The following VSTM2B variants were observed in gnomAD, a reference collection of about 807,000 sequenced individuals.
VSTM2B encodes the protein V-set and transmembrane domain containing 2B, also known as V-set and transmembrane domain-containing protein 2B.
A neutral mutation model predicts 24.0 loss-of-function variants in VSTM2B; 24 were observed. That is an observed-to-expected ratio of 1.00 (90% CI 0.72 to 1.40). The LOEUF (loss-of-function observed/expected upper bound fraction) is 1.40. Ranked by LOEUF, VSTM2B falls within the 40% of genes most tolerant of loss-of-function variation. The pLI, the probability that VSTM2B is intolerant of heterozygous loss-of-function variation, is 0.00. For missense variants in VSTM2B, 399 were observed against 416.4 expected (o/e 0.96, Z 0.36); for synonymous variants, 226 against 194.4 (o/e 1.16, Z -1.35).
chr19:29,549,606 G>T (rs998078969), intron 4 of VSTM2B, among the ~76,000 whole-genome samples: 1 of 151,816 alleles, frequency 6.6e-6, no homozygotes, highest in Non-Finnish European at 1.5e-5. Flanking sequence ...CCTGATGCTG[G>T]CCCCAATGCT....
At position 29,535,419 on chromosome 19, in the gene VSTM2B, T is replaced by TA. The variant is rs1416719040; in HGVS notation, c.769+5131dup. 7.2e-5 allele frequency among the ~76,000 whole-genome samples: 11 copies of TA among 152,324 alleles called. No individual in the cohort carries two copies. In the East Asian group the frequency reaches 2.1e-3, roughly 29 times the overall value. The stretch of plus-strand genomic sequence containing the variant: ...ATCAGAGCAGTGGCGTGTGAACCTC[T>TA]AATTAGCCTCAGGGCTCTGGCTCCA... On this transcript the variant is annotated intron_variant, in intron 4 of 4. Transcript: ENST00000335523.
chr19:29,543,805 CTCCTCTCTTTCAAAATATGGACAGG>C (rs1339782095), intron 4 of VSTM2B, among the ~76,000 whole-genome samples: 2 of 152,168 alleles, frequency 1.3e-5, no homozygotes, highest in African/African-American at 4.8e-5. Context: ...GAGGGGCAGG[CTCCTCTCTTTCAAAATATGGACAGG>C]TCCCCCAGCT....
rs1970177411 is a variant in VSTM2B, at chr19:29,547,283, C to T, written c.770-16563C>T. Among the ~76,000 whole-genome samples the T allele has an allele frequency of 2.6e-5, 4 of 152,166 alleles. No individual in the cohort carries two copies. In the South Asian group the frequency reaches 8.3e-4, roughly 32 times the overall value. ...GTGTCCTGTTTTTTATCTGGCAACC[C>T]CAGGCCTGGGGCAAATCACTTCATC... On this transcript the variant is annotated intron_variant, in intron 4 of 4. Coordinates refer to ENST00000335523, the MANE Select transcript of VSTM2B (RefSeq NM_001146339.2).
chr19:29,526,828 G>A lies in VSTM2B; in HGVS notation c.82+163G>A, dbSNP rs567037963. On this transcript the variant is annotated intron_variant, in intron 1 of 4. Transcript: ENST00000335523. This position sits in a 1 kb window ranked among gnomAD's most constrained non-coding sequence, Gnocchi z 4.1. The stretch of plus-strand genomic sequence containing the variant: ...GGGTAGGGAGAGGCGAGCGGCGAAG[G>A]GTCGCCGCAGCAGCAGCGCCGCGCC... The A allele has an allele frequency of 3.1e-4, 187 of 608,130 alleles. 2 individuals are homozygous for A. The South Asian group carries it at 4.8e-3, about 15-fold the overall frequency. The allele number at this position is 608,130 out of a possible 1,614,324, so 37.7% of individuals were successfully genotyped here. A position where few individuals can be genotyped will look rare whatever the true frequency, so the allele number is the denominator to read the frequency against.
chr19:29,559,007 G>C (rs144416640), intron 4 of VSTM2B, among the ~76,000 whole-genome samples: 1 of 152,354 alleles, frequency 6.6e-6, no homozygotes, highest in African/African-American at 2.4e-5. Context: ...CTTTTACACT[G>C]TTGGTGGGAG....
chr19:29,533,921 T>G (rs1378999968), intron 4 of VSTM2B, among the ~76,000 whole-genome samples: 1 of 152,184 alleles, frequency 6.6e-6, no homozygotes, highest in East Asian at 1.9e-4. Flanking sequence ...CCTTGGGCCT[T>G]GCCTCCCAGC....
At chr19:29,551,891 C>T (rs555971028) in intron 4 of VSTM2B, among the ~76,000 whole-genome samples, 2 of 152,304 alleles carry the variant, frequency 1.3e-5, no homozygotes, top group Non-Finnish European at 2.9e-5. Flanking sequence ...GTCTCCACGC[C>T]ATGTAAAAAA....
At chr19:29,536,667 G>A (rs938859107) in intron 4 of VSTM2B, among the ~76,000 whole-genome samples, 2 of 152,098 alleles carry the variant, frequency 1.3e-5, no homozygotes, top group African/African-American at 2.4e-5. Flanking sequence ...AAGACAGAGC[G>A]CTCTCTCTGT....
intron 4 of VSTM2B, among the ~76,000 whole-genome samples, chr19:29,555,395 CA>C (rs754509734): frequency 3.0e-4 from 45 of 152,234 alleles, no homozygotes; most frequent in Middle Eastern, 3.4e-3. Context: ...TTCTGGGACA[CA>C]ACTGAAGCAG....
At chr19:29,547,724 T>G (rs1970185409) in intron 4 of VSTM2B, among the ~76,000 whole-genome samples, 1 of 152,020 alleles carries the variant, frequency 6.6e-6, no homozygotes, top group Non-Finnish European at 1.5e-5. Context: ...GCACAGACAT[T>G]TGTGCCAAGC....
chr19:29,546,584 G>C lies in VSTM2B; in HGVS notation c.769+16294G>C, dbSNP rs115388392. Among the ~76,000 whole-genome samples, 1,362 of 152,328 alleles carry C rather than the reference G, an allele frequency of 8.9e-3. 16 individuals are homozygous for C. Among genetic ancestry groups the C allele is most frequent in the African/African-American group, 0.03 (1,248 of 41,572 alleles). ...CTTTTTACAGCCCACAGGCTCAAAG[G>C]TTAGCAATCCAGATGGGGCAGGGGC... On this transcript the variant is annotated intron_variant, in intron 4 of 4. Transcript: ENST00000335523.
intron 4 of VSTM2B, among the ~76,000 whole-genome samples, chr19:29,536,768 A>C (rs1423167978): frequency 6.6e-6 from 1 of 152,166 alleles, no homozygotes; most frequent in Non-Finnish European, 1.5e-5. Context: ...TGTCACCGGG[A>C]ACTAACCCCC....
At chr19:29,558,846 C>G (rs1263214915) in intron 4 of VSTM2B, among the ~76,000 whole-genome samples, 1 of 152,084 alleles carries the variant, frequency 6.6e-6, no homozygotes, top group African/African-American at 2.4e-5. Context: ...ACATCATGCA[C>G]AAGTGTCCCA....
intron 4 of VSTM2B, among the ~76,000 whole-genome samples, chr19:29,546,175 G>A (rs1347134594): frequency 3.3e-5 from 5 of 152,190 alleles, no homozygotes; most frequent in Non-Finnish European, 7.3e-5. Context: ...GAACAGGAAA[G>A]GAATCTAGCA....
At chr19:29,553,191 C>G (rs190609699) in intron 4 of VSTM2B, among the ~76,000 whole-genome samples, 32 of 148,580 alleles carry the variant, frequency 2.2e-4, no homozygotes, top group Admixed American at 1.6e-3. Context: ...CAGGAGTGTT[C>G]ATGCTGGCAT....
intron 4 of VSTM2B, among the ~76,000 whole-genome samples, chr19:29,531,712 G>A (rs750052405): frequency 6.6e-6 from 1 of 152,250 alleles, no homozygotes; most frequent in Non-Finnish European, 1.5e-5. Flanking sequence ...GACCTGCAAA[G>A]AGCCTCCACA....
intron 4 of VSTM2B, among the ~76,000 whole-genome samples, chr19:29,550,774 G>T (rs945641737): frequency 6.6e-6 from 1 of 151,648 alleles, no homozygotes; most frequent in Non-Finnish European, 1.5e-5. Flanking sequence ...GTCCATTTTT[G>T]TGTGTAGAGC....
At position 29,540,449 on chromosome 19, in the gene VSTM2B, C is replaced by T. The variant is rs558511765; in HGVS notation, c.769+10159C>T. Among the ~76,000 whole-genome samples, 6 of 152,348 alleles carry T rather than the reference C, an allele frequency of 3.9e-5. No homozygotes were observed. In the East Asian group the frequency reaches 1.2e-3, roughly 29 times the overall value. On this transcript the variant is annotated intron_variant, in intron 4 of 4. Transcript: ENST00000335523. ...GTTGGGAGAAGACTTCCTGATCCTG[C>T]AGCCAAAGGAGTTTCTTTCATTCTG...
Position 29,563,997 on chromosome 19 carries a change from G to T in VSTM2B, c.*63G>T. ...TGACCTGCCCGGGGCCCTCGGTGAGGACCATGTCGCTGGATGGACACAGAG... is the reference window on the plus strand; with the variant it reads ...TGACCTGCCCGGGGCCCTCGGTGAGTACCATGTCGCTGGATGGACACAGAG... On this transcript the variant is annotated 3_prime_UTR_variant, in exon 5 of 5. Coordinates refer to ENST00000335523, the MANE Select transcript of VSTM2B (RefSeq NM_001146339.2). 7.5e-7 allele frequency: 1 copy of T among 1,339,634 alleles called. No individual in the cohort carries two copies. Among genetic ancestry groups the T allele is most frequent in the South Asian group, 1.3e-5 (1 of 79,762 alleles). The allele number at this position is 1,339,634 out of a possible 1,614,324, so 83.0% of individuals were successfully genotyped here.
Sources: allele counts gnomAD v4.1 joint callset (sites outside exome capture counted in the v4.1 genomes callset), GRCh38; gene constraint gnomAD v4.1.1; non-coding constraint Gnocchi (gnomAD v3.1); transcripts MANE v1.5; gene names NCBI Gene and HGNC (gene_info 2026-07-23, HGNC 2026-07-21).